BRCA2: variants seen among roughly 807,000 people sequenced by gnomAD.
The protein encoded by BRCA2 is breast cancer type 2 susceptibility protein.
BRCA2 carries 203 observed loss-of-function variants against 276.7 expected under a neutral mutation model. That is an observed-to-expected ratio of 0.73 (90% CI 0.65 to 0.82). BRCA2 has a LOEUF of 0.82. Among genes scored for constraint, BRCA2 ranks in the 40% least tolerant of loss-of-function variants. BRCA2 has a pLI of 0.00. For synonymous variants in BRCA2, 1,289 were observed against 1,338.4 expected, an observed-to-expected ratio of 0.96 and a Z score of 0.81; for missense variants, 3,920 against 3,915.0, an observed-to-expected ratio of 1.00 and a Z score of -0.03.
intron 24 of BRCA2, among the ~76,000 whole-genome samples, chr13:32,382,012 GTTT>G (rs2072927844): frequency 6.6e-6 from 1 of 152,192 alleles, no homozygotes; most frequent in Admixed American, 6.5e-5. Context: ...AGACAGTTAA[GTTT>G]TAGATGCTTA....
intron 24 of BRCA2, among the ~76,000 whole-genome samples, chr13:32,387,149 G>A (rs2137638767): frequency 6.6e-6 from 1 of 152,228 alleles, no homozygotes; most frequent in South Asian, 2.1e-4. Context: ...CTGCCCATAT[G>A]TGTGGGTGGA....
intron 13 of BRCA2, among the ~76,000 whole-genome samples, chr13:32,347,313 A>G (rs2137542671): frequency 6.6e-6 from 1 of 152,318 alleles, no homozygotes; most frequent in South Asian, 2.1e-4. Context: ...TTTGGAAGCC[A>G]AAAACATAAA....
intron 13 of BRCA2, among the ~76,000 whole-genome samples, chr13:32,353,818 C>T (rs2072668633): frequency 6.6e-6 from 1 of 152,042 alleles, no homozygotes; most frequent in Admixed American, 6.6e-5. Flanking sequence ...AGGAAGACCA[C>T]GTATGCTGAG....
chr13:32,331,684 A>G (rs2072392646), intron 9 of BRCA2, among the ~76,000 whole-genome samples: 1 of 152,184 alleles, frequency 6.6e-6, no homozygotes. Context: ...TTCAGAGACA[A>G]TAAGATATAT....
chr13:32,326,056 C>G (rs2137449021), intron 4 of BRCA2, 45 bp from the exon 5 acceptor site: 1 of 1,540,428 alleles, frequency 6.5e-7, no homozygotes, highest in East Asian at 2.3e-5. Context: ...TAGTTTTTGC[C>G]AGTTTTTTAA....
At position 32,379,933 on chromosome 13, in the gene BRCA2, A is replaced by G. The variant is rs2137624047; in HGVS notation, c.9117+20A>G. 1.2e-6 allele frequency: 2 copies of G among 1,613,070 alleles called. No homozygotes were observed. The highest frequency in any genetic ancestry group is 2.7e-5 in the African/African-American group (2 of 75,046). On this transcript the variant is annotated intron_variant, in intron 23 of 26. Transcript: ENST00000380152. ...CTACCGGTACAAACCTTTCATTGTA[A>G]TTTTTCAGTTTTGATAAGTGCTTGT...
intron 13 of BRCA2, among the ~76,000 whole-genome samples, chr13:32,351,687 A>G (rs1171513817): frequency 1.3e-5 from 2 of 152,220 alleles, no homozygotes; most frequent in Non-Finnish European, 2.9e-5. Context: ...TATAAATATG[A>G]TAAAATCATC....
Position 32,337,341 on chromosome 13 carries a change from C to G in BRCA2, c.2986C>G (p.Leu996Val), listed in dbSNP as rs2072469725. The G allele has an allele frequency of 1.9e-6, 3 of 1,613,708 alleles. No individual in the cohort carries two copies. The highest frequency in any genetic ancestry group is 2.5e-6 in the Non-Finnish European group (3 of 1,179,884). Residue 996 changes from leucine (L) to valine (V), a missense_variant, in exon 11 of 27, where the codon CTC becomes GTC. Leu to Val is a conservative substitution (Grantham distance 32). Coordinates refer to ENST00000380152, the MANE Select transcript of BRCA2 (RefSeq NM_000059.4). ...TGATTACATGAACAAATGGGCAGGA[C>G]TCTTAGGTCCAATTTCAAATCACAG... ...NNDYMNKWAG[L>V]LGPISNHSFG...
intron 13 of BRCA2, among the ~76,000 whole-genome samples, chr13:32,351,587 A>G (rs2072651357): frequency 6.6e-6 from 1 of 152,180 alleles, no homozygotes; most frequent in African/African-American, 2.4e-5. Context: ...GTGTGTAGTA[A>G]GGTAGAAGCT....
chr13:32,352,273 T>C (rs1372490377), intron 13 of BRCA2, among the ~76,000 whole-genome samples: 1 of 152,026 alleles, frequency 6.6e-6, no homozygotes, highest in Admixed American at 6.6e-5. Flanking sequence ...AGAAAGGAAA[T>C]ACGTATTTAC....
intron 20 of BRCA2, among the ~76,000 whole-genome samples, chr13:32,376,414 G>A (rs544434530): frequency 4.0e-5 from 6 of 151,696 alleles, no homozygotes; most frequent in South Asian, 2.1e-4. Context: ...CCAGCTACTC[G>A]GGAGGCTGAG....
chr13:32,368,762 TCA>T (rs1325828814), intron 18 of BRCA2, among the ~76,000 whole-genome samples: 16 of 152,120 alleles, frequency 1.1e-4, no homozygotes, highest in African/African-American at 3.9e-4. Flanking sequence ...GAATTTTATT[TCA>T]GTTTGTTGTT....
chr13:32,362,773 A>G (rs936569201), intron 17 of BRCA2, 80 bp downstream of exon 17: 1 of 1,501,602 alleles, frequency 6.7e-7, no homozygotes, highest in Admixed American at 1.7e-5. Flanking sequence ...CTTCCATGTC[A>G]AAATGTTGCA....
At chr13:32,357,283 C>T (rs1054627727) in intron 15 of BRCA2, among the ~76,000 whole-genome samples, 1 of 152,156 alleles carries the variant, frequency 6.6e-6, no homozygotes, top group African/African-American at 2.4e-5. Flanking sequence ...GAGTCAAACT[C>T]TGAACAAACA....
intron 20 of BRCA2, among the ~76,000 whole-genome samples, chr13:32,372,670 C>A (rs2072842572): frequency 6.6e-6 from 1 of 152,126 alleles, no homozygotes; most frequent in African/African-American, 2.4e-5. Context: ...GACACAGAGC[C>A]AAACCATATC....
At chr13:32,376,557 A>G (rs1455877301) in intron 20 of BRCA2, 113 bp from the exon 21 acceptor site, 17 of 1,161,974 alleles carry the variant, frequency 1.5e-5, no homozygotes, top group East Asian at 2.5e-5. Flanking sequence ...TAGCAGTTAT[A>G]TAGTTTCTTA....
intron 24 of BRCA2, among the ~76,000 whole-genome samples, chr13:32,382,575 G>C (rs1292056908): frequency 2.6e-5 from 4 of 152,296 alleles, no homozygotes; most frequent in African/African-American, 9.6e-5. Flanking sequence ...TAACACCGTG[G>C]AGGAGCACTT....
rs772432857 is a variant in BRCA2 at position 32,398,541 on chromosome 13, A to T, written c.10028A>T (p.Glu3343Val). The T allele has an allele frequency of 4.3e-6, 7 of 1,614,100 alleles. No homozygotes were observed. ...LLESNSIADE[E>V]LALINTQALL... Reference sequence around the variant, plus strand: ...GAAAGTAATTCAATAGCTGACGAAGAACTTGCATTGATAAATACCCAAGCT... The same window carrying T: ...GAAAGTAATTCAATAGCTGACGAAGTACTTGCATTGATAAATACCCAAGCT... The change falls in exon 27 of 27, where the codon GAA (glutamate) becomes GTA (valine). Residue 3343 changes from glutamate to valine, a missense_variant. Physicochemically the swap from Glu to Val is moderately radical, Grantham distance 121. This residue lies in a region of BRCA2 where 657 missense variants were observed against 758.2 expected (regional missense o/e 0.87). Transcript: ENST00000380152.
At chr13:32,393,807 T>C (rs1484932763) in intron 24 of BRCA2, among the ~76,000 whole-genome samples, 3 of 152,184 alleles carry the variant, frequency 2.0e-5, no homozygotes, top group Non-Finnish European at 4.4e-5. Context: ...ATTTGTTTGT[T>C]GGTTGGTTTA....
Sources: allele counts gnomAD v4.1 joint callset (sites outside exome capture counted in the v4.1 genomes callset), GRCh38; gene constraint gnomAD v4.1.1; regional missense constraint gnomAD v4.1.1; transcripts MANE v1.5; gene names NCBI Gene and HGNC (gene_info 2026-07-23, HGNC 2026-07-21).